The following WRN variants were observed in gnomAD, a reference collection of about 807,000 sequenced individuals.
WRN encodes the protein bifunctional 3'-5' exonuclease/ATP-dependent helicase WRN.
A neutral mutation model predicts 180.7 loss-of-function variants in WRN; 149 were observed. The observed-to-expected ratio is 0.82, with a 90% CI of 0.72 to 0.94. The LOEUF is 0.94. Among genes scored for constraint, WRN ranks in the 40% least tolerant of loss-of-function variants. The pLI, the probability that WRN is intolerant of heterozygous loss-of-function variation, is 0.00. For synonymous variants in WRN, 548 were observed against 568.9 expected (o/e 0.96, Z 0.52); for missense variants, 1,661 against 1,700.1 (o/e 0.98, Z 0.40).
intron 1 of WRN, among the ~76,000 whole-genome samples, chr8:31,053,152 G>T (rs1406125413): frequency 6.6e-6 from 1 of 152,210 alleles, no homozygotes; most frequent in Non-Finnish European, 1.5e-5. Flanking sequence ...GACACTATTT[G>T]CTTGGCAAAG....
chr8:31,063,270 G>A (rs1017154158), intron 3 of WRN, among the ~76,000 whole-genome samples: 40 of 152,078 alleles, frequency 2.6e-4, no homozygotes, highest in African/African-American at 9.2e-4. Flanking sequence ...TCAACACTAC[G>A]TTTTTGAGAA....
At chr8:31,132,111 C>T (rs1489446309) in intron 23 of WRN, among the ~76,000 whole-genome samples, 2 of 152,016 alleles carry the variant, frequency 1.3e-5, no homozygotes, top group South Asian at 2.1e-4. Flanking sequence ...GTCTGAGGTG[C>T]CTCCCATGAA....
rs1801839507 is a variant in WRN, at chr8:31,124,445, TAAAAAATAAGTAAAA to T, written c.2631-70_2631-56del. The T allele has an allele frequency of 2.6e-6, 3 of 1,137,574 alleles. No individual in the cohort carries two copies. In the African/African-American group the frequency reaches 4.7e-5, roughly 18 times the overall value. 70.5% of individuals were successfully genotyped at this position (1,137,574 alleles called of 1,614,324 possible). A position where few individuals can be genotyped will look rare whatever the true frequency, so the allele number is the denominator to read the frequency against. On this transcript the variant is annotated intron_variant, in intron 21 of 34. Transcript: ENST00000298139. The stretch of plus-strand genomic sequence containing the variant: ...TTTGTAGATAATGAAAAATAAACAG[TAAAAAATAAGTAAAA>T]AAAAAAGTAAGAAAGTTGCCAATAC...
intron 34 of WRN, among the ~76,000 whole-genome samples, chr8:31,170,544 TA>T (rs1312132483): frequency 1.3e-5 from 2 of 152,220 alleles, no homozygotes; most frequent in Non-Finnish European, 2.9e-5. Context: ...TAAATGAAAT[TA>T]AATGTGAATG....
chr8:31,082,240 A>G (rs1813345613), intron 9 of WRN, among the ~76,000 whole-genome samples: 1 of 152,188 alleles, frequency 6.6e-6, no homozygotes, highest in South Asian at 2.1e-4. Flanking sequence ...AGATGCCTAT[A>G]TTCTCTGAAA....
At chr8:31,114,126 T>G (rs2130295570) in intron 19 of WRN, among the ~76,000 whole-genome samples, 1 of 152,266 alleles carries the variant, frequency 6.6e-6, no homozygotes, top group Non-Finnish European at 1.5e-5. Flanking sequence ...ACTTTCCTCT[T>G]CATGAGCAGT....
intron 33 of WRN, among the ~76,000 whole-genome samples, chr8:31,165,164 T>C (rs1803803800): frequency 6.6e-6 from 1 of 152,110 alleles, no homozygotes; most frequent in Non-Finnish European, 1.5e-5. Context: ...TACTTTTTCT[T>C]TTAAAATTAA....
Position 31,087,448 on chromosome 8 carries a change from C to T in WRN, c.1432-328C>T, listed in dbSNP as rs191042745. ...AAATCCACGTTTACTACTTGAGAAT[C>T]GAAAATATTGAGGTGCAATAAAGAA... is the stretch of plus-strand genomic sequence containing the variant. On this transcript the variant is annotated intron_variant, in intron 11 of 34. Coordinates refer to ENST00000298139, the MANE Select transcript of WRN (RefSeq NM_000553.6). Among the ~76,000 whole-genome samples the T allele has an allele frequency of 5.3e-5, 8 of 152,138 alleles. No homozygotes were observed. In the East Asian group the frequency reaches 1.2e-3, roughly 22 times the overall value.
chr8:31,142,820 T>C, intron 27 of WRN, 119 bp downstream of exon 27: 1 of 908,072 alleles, frequency 1.1e-6, no homozygotes, highest in Non-Finnish European at 1.6e-6. Context: ...TAACAAAGCA[T>C]AAAATTCGGC....
chr8:31,157,490 G>C lies in WRN; in HGVS notation c.3942G>C (p.Lys1314Asn). The C allele has an allele frequency of 6.2e-7, 1 of 1,614,128 alleles. No homozygotes were observed. Among genetic ancestry groups the C allele is most frequent in the Non-Finnish European group, 8.5e-7 (1 of 1,180,018 alleles). ...CAGGCCTGACTCCAGAGGTTCAGAA[G>C]ATTATTGCTGATGTTATCCGAAACC... ...ERAGLTPEVQ[K>N]IIADVIRNPP... Residue 1314 changes from lysine (K) to asparagine (N), a missense_variant, in exon 33 of 35, where the codon AAG becomes AAC. Physicochemically the swap from Lys to Asn is moderately conservative, Grantham distance 94 (BLOSUM62 0). Coordinates refer to ENST00000298139, the MANE Select transcript of WRN (RefSeq NM_000553.6).
intron 23 of WRN, among the ~76,000 whole-genome samples, chr8:31,127,797 G>A (rs1458913149): frequency 1.3e-5 from 2 of 152,032 alleles, no homozygotes; most frequent in Non-Finnish European, 2.9e-5. Context: ...AGCATTATGT[G>A]CCTCTAGTCC....
At chr8:31,098,738 A>C (rs1160427609) in intron 17 of WRN, among the ~76,000 whole-genome samples, 1 of 152,196 alleles carries the variant, frequency 6.6e-6, no homozygotes, top group African/African-American at 2.4e-5. Flanking sequence ...CAGAAACAGC[A>C]AACATAGTTT....
intron 17 of WRN, among the ~76,000 whole-genome samples, chr8:31,099,258 G>T (rs71521398): frequency 1.3e-5 from 2 of 152,050 alleles, no homozygotes; most frequent in Non-Finnish European, 2.9e-5. Context: ...GAAAAAATTA[G>T]CCGGGCATGG....
rs1362516604 is a variant in WRN at position 31,090,860 on chromosome 8, T to C, written c.1747T>C (p.Tyr583His). The stretch of plus-strand genomic sequence containing the variant: ...ATATGGAAAGAGTTTGTGCTTCCAG[T>C]ATCCACCTGTTTATGTAGGCAAGAT... ...TGYGKSLCFQYPPVYVGKIGL... is the reference protein window; with the variant it reads ...TGYGKSLCFQHPPVYVGKIGL... The change falls in exon 15 of 35, where the codon TAT becomes CAT. Residue 583 changes from tyrosine (Y) to histidine (H), a missense_variant. Coordinates refer to ENST00000298139, the MANE Select transcript of WRN (RefSeq NM_000553.6). The C allele has an allele frequency of 6.2e-7, 1 of 1,612,182 alleles. No homozygotes were observed. The highest frequency in any genetic ancestry group is 1.7e-5 in the Admixed American group (1 of 59,970).
At chr8:31,146,031 T>C (rs1242281566) in intron 28 of WRN, among the ~76,000 whole-genome samples, 1 of 151,842 alleles carries the variant, frequency 6.6e-6, no homozygotes, top group African/African-American at 2.4e-5. Context: ...TGGAAATTAG[T>C]GGCTTATGAC....
chr8:31,065,206 G>T, intron 5 of WRN, 143 bp downstream of exon 5: 1 of 776,588 alleles, frequency 1.3e-6, no homozygotes, highest in Non-Finnish European at 2.0e-6. Context: ...CCAAGTGAAT[G>T]TTCTTTAATG....
Position 31,157,507 on chromosome 8 carries a change from TC to T in WRN, c.3961del (p.Arg1321GlufsTer9), listed in dbSNP as rs756173427. On this transcript the variant is annotated frameshift_variant, in exon 33 of 35. Coordinates refer to ENST00000298139, the MANE Select transcript of WRN (RefSeq NM_000553.6). LOFTEE classifies it high-confidence loss of function. ...GTTCAGAAGATTATTGCTGATGTTATCCGAAACCCTCCCGTCAACTCAGGTG... is the reference window on the plus strand; with the variant it reads ...GTTCAGAAGATTATTGCTGATGTTATCGAAACCCTCCCGTCAACTCAGGTG... Reference protein sequence around the residue: ...PEVQKIIADVIRNPPVNSDMS... With the variant: ...PEVQKIIADVXRNPPVNSDMS... 1 of 1,614,140 alleles carries T rather than the reference TC, an allele frequency of 6.2e-7. No individual in the cohort carries two copies. Among genetic ancestry groups the T allele is most frequent in the South Asian group, 1.1e-5 (1 of 91,080 alleles).
intron 21 of WRN, 129 bp from the exon 22 acceptor site, chr8:31,124,393 G>GT (rs1008228976): frequency 1.1e-5 from 8 of 700,498 alleles, no homozygotes; most frequent in Admixed American, 2.7e-5. Flanking sequence ...TGCTAGAAAT[G>GT]TTTTTTTATC....
Position 31,142,630 on chromosome 8 carries a change from A to T in WRN, c.3238A>T (p.Lys1080Ter), listed in dbSNP as rs1288018118. 1.9e-6 allele frequency: 3 copies of T among 1,596,854 alleles called. No homozygotes were observed. ...CPKKLLLPSS[K>*]TVSSGTKEHC... ...TTTAATTTTATTATTTTTTAGTTCG[A>T]AAACTGTATCTTCGGGCACCAAAGA... The change falls in exon 27 of 35, where the codon AAA becomes TAA. Residue 1080 changes from lysine (K) to a stop codon, truncating the protein, a stop_gained. Coordinates refer to ENST00000298139, the MANE Select transcript of WRN (RefSeq NM_000553.6). LOFTEE classifies it high-confidence loss of function.
Sources: allele counts gnomAD v4.1 joint callset (sites outside exome capture counted in the v4.1 genomes callset), GRCh38; gene constraint gnomAD v4.1.1; transcripts MANE v1.5; gene names NCBI Gene and HGNC (gene_info 2026-07-23, HGNC 2026-07-21).